Variants in ZCCHC24 observed in about 807,000 individuals in gnomAD.
The protein encoded by ZCCHC24 is zinc finger CCHC-type containing 24.
Under a neutral mutation model 26.2 loss-of-function variants are expected in ZCCHC24, and 10 were observed. The ratio of observed to expected loss-of-function variants is 0.38; its 90% CI spans 0.24 to 0.65. ZCCHC24 has a LOEUF of 0.65. Among genes scored for constraint, ZCCHC24 ranks in the 30% least tolerant of loss-of-function variants. ZCCHC24 has a pLI of 0.54. For synonymous variants in ZCCHC24, 144 were observed against 147.1 expected, an observed-to-expected ratio of 0.98 and a Z score of 0.15; for missense variants, 243 against 329.1, an observed-to-expected ratio of 0.74 and a Z score of 2.03.
chr10:79,403,430 C>A (rs540728274), intron 2 of ZCCHC24: 1 of 985,372 alleles, frequency 1.0e-6, no homozygotes, highest in Admixed American at 6.1e-5. Context: ...CACATGTCCA[C>A]ATGCACGGCC....
rs1230221599 is a variant in ZCCHC24, at chr10:79,386,237, C to A, written c.*108G>T. ...CCCCCGGCCCAGCCCCGCAGGCCTG[C>A]GAGGGCACCCCATGCACAGGGCGAC... On this transcript the variant is annotated 3_prime_UTR_variant, in exon 4 of 4. Transcript: ENST00000372336. 9.6e-6 allele frequency: 10 copies of A among 1,046,576 alleles called. No individual in the cohort carries two copies. The highest frequency in any genetic ancestry group is 1.4e-5 in the Non-Finnish European group (10 of 693,782). The allele number at this position is 1,046,576 out of a possible 1,614,324, so 64.8% of individuals were successfully genotyped here.
At chr10:79,402,078 G>A (rs964585509) in intron 2 of ZCCHC24, among the ~76,000 whole-genome samples, 6 of 152,204 alleles carry the variant, frequency 3.9e-5, no homozygotes, top group Admixed American at 2.6e-4. Context: ...CACGACCCCA[G>A]CCCAGGATCC....
intron 1 of ZCCHC24, among the ~76,000 whole-genome samples, chr10:79,435,994 G>C (rs1212345173): frequency 6.6e-6 from 1 of 152,188 alleles, no homozygotes; most frequent in African/African-American, 2.4e-5. Context: ...AGCGGGGAAG[G>C]GGGAAGAAGG....
chr10:79,407,072 C>T (rs1324892930), intron 2 of ZCCHC24, among the ~76,000 whole-genome samples: 1 of 152,248 alleles, frequency 6.6e-6, no homozygotes, highest in Non-Finnish European at 1.5e-5. Flanking sequence ...TTGTCACTCT[C>T]TGTGCCACAG....
chr10:79,410,971 C>T (rs558138594), intron 2 of ZCCHC24, among the ~76,000 whole-genome samples: 1 of 152,234 alleles, frequency 6.6e-6, no homozygotes, highest in East Asian at 1.9e-4. Context: ...CAGGAGCTCC[C>T]CTCTTGGCCC....
chr10:79,399,312 C>G (rs945504609), intron 2 of ZCCHC24, among the ~76,000 whole-genome samples: 1 of 152,208 alleles, frequency 6.6e-6, no homozygotes, highest in Non-Finnish European at 1.5e-5. Context: ...TCACCACACA[C>G]CCCCCTGCCT....
chr10:79,387,478 G>A (rs941577135), intron 3 of ZCCHC24, among the ~76,000 whole-genome samples: 2 of 152,200 alleles, frequency 1.3e-5, no homozygotes, highest in African/African-American at 2.4e-5. Flanking sequence ...AGGCTATGAC[G>A]AAGAGCTCCT....
At chr10:79,438,300 C>T (rs1196440239) in intron 1 of ZCCHC24, among the ~76,000 whole-genome samples, 1 of 152,216 alleles carries the variant, frequency 6.6e-6, no homozygotes, top group Non-Finnish European at 1.5e-5. Flanking sequence ...ATCCACCCTG[C>T]TCCCAAGGGG....
intron 2 of ZCCHC24, among the ~76,000 whole-genome samples, chr10:79,397,549 A>G (rs1856562956): frequency 6.6e-6 from 1 of 152,176 alleles, no homozygotes; most frequent in Non-Finnish European, 1.5e-5. Flanking sequence ...ATTATCTGAA[A>G]TAAAGCACTG....
At chr10:79,444,635 G>A (rs180911970) in intron 1 of ZCCHC24, among the ~76,000 whole-genome samples, 256 of 152,300 alleles carry the variant, frequency 1.7e-3, no homozygotes, top group African/African-American at 5.3e-3. Flanking sequence ...CGTATCTGGG[G>A]TCCCCGAGTG....
intron 2 of ZCCHC24, among the ~76,000 whole-genome samples, chr10:79,430,173 A>T (rs543412865): frequency 1.3e-5 from 2 of 152,260 alleles, no homozygotes; most frequent in African/African-American, 4.8e-5. Context: ...CTATGTCCTC[A>T]CAATACCCTG....
chr10:79,439,342 G>A (rs73303092), intron 1 of ZCCHC24, among the ~76,000 whole-genome samples: 2,011 of 152,234 alleles, frequency 0.013, 48 homozygotes, highest in African/African-American at 0.043. Flanking sequence ...TCAAGAAATC[G>A]ATACATATTT....
At chr10:79,402,300 G>A (rs1232927901) in intron 2 of ZCCHC24, among the ~76,000 whole-genome samples, 2 of 151,984 alleles carry the variant, frequency 1.3e-5, no homozygotes, top group Non-Finnish European at 2.9e-5. Flanking sequence ...TTTTGAGACG[G>A]AGTCTCGCTC....
chr10:79,434,032 A>C (rs12265906), intron 1 of ZCCHC24, among the ~76,000 whole-genome samples: 62,419 of 152,096 alleles, frequency 0.41, 14,555 homozygotes, highest in African/African-American at 0.65. Flanking sequence ...CCCCTCCTAG[A>C]GACATGGTCC....
In ZCCHC24 at chr10:79,433,975, A is replaced by G. The variant is rs78528032; in HGVS notation, c.247-1217T>C. 8.5e-4 allele frequency among the ~76,000 whole-genome samples: 130 copies of G among 152,346 alleles called. 1 individual carries two copies. In the East Asian group the frequency reaches 0.02, roughly 24 times the overall value. On this transcript the variant is annotated intron_variant, in intron 1 of 3. Coordinates refer to ENST00000372336, the MANE Select transcript of ZCCHC24 (RefSeq NM_153367.4). Reference sequence around the variant, plus strand: ...GAAGCAGATCCTACTTTGCACAAGTATGTGTCCCAGCCACCCAACTGTATC... The same window carrying G: ...GAAGCAGATCCTACTTTGCACAAGTGTGTGTCCCAGCCACCCAACTGTATC...
intron 1 of ZCCHC24, 119 bp downstream of exon 1, chr10:79,445,076 C>T: frequency 9.6e-7 from 1 of 1,046,744 alleles, no homozygotes; most frequent in African/African-American, 1.7e-5. Context: ...CAAGCCGGGC[C>T]CGGCAATGCG....
At chr10:79,403,595 C>T (rs1477280121) in intron 2 of ZCCHC24, 7 of 985,308 alleles carry the variant, frequency 7.1e-6, no homozygotes, top group Non-Finnish European at 8.4e-6. Flanking sequence ...GGCAAGAGGC[C>T]ACCCGGGGCT....
chr10:79,392,924 C>T (rs1180876841), intron 3 of ZCCHC24, among the ~76,000 whole-genome samples: 1 of 152,218 alleles, frequency 6.6e-6, no homozygotes, highest in East Asian at 1.9e-4. Context: ...ATTTCTAAGG[C>T]ACTCCTCTGT....
intron 2 of ZCCHC24, among the ~76,000 whole-genome samples, chr10:79,421,907 G>C (rs917555376): frequency 3.3e-5 from 5 of 152,178 alleles, no homozygotes; most frequent in African/African-American, 4.8e-5. Flanking sequence ...GGGATTACAG[G>C]CATGAGCCAC....
Sources: gnomAD v4.1 joint callset for allele counts (sites outside exome capture counted in the v4.1 genomes callset) on GRCh38, gnomAD v4.1.1 for gene constraint, MANE v1.5 for transcripts, NCBI Gene and HGNC (gene_info 2026-07-23, HGNC 2026-07-21) for gene names.